PTPRG: variants seen among roughly 807,000 people sequenced by gnomAD.
The protein encoded by PTPRG is receptor-type tyrosine-protein phosphatase gamma.
In PTPRG, 102 loss-of-function variants were observed where a neutral mutation model predicts 165.3. The observed-to-expected ratio is 0.62, with a 90% CI of 0.53 to 0.73. The LOEUF (loss-of-function observed/expected upper bound fraction) is 0.73. Ranked by LOEUF, PTPRG falls within the 30% of genes least tolerant of loss-of-function variation. The pLI, the probability that PTPRG is intolerant of heterozygous loss-of-function variation, is 0.00. For missense variants in PTPRG, 1,866 were observed against 1,861.4 expected (o/e 1.00, Z -0.05); for synonymous variants, 675 against 669.5 (o/e 1.01, Z -0.13).
chr3:61,918,395 G>A (rs1289310493), intron 2 of PTPRG, among the ~76,000 whole-genome samples: 1 of 152,098 alleles, frequency 6.6e-6, no homozygotes, highest in East Asian at 1.9e-4. Flanking sequence ...CAGAGTATAT[G>A]TACATAAGGT....
rs957514900 is a variant in PTPRG at position 62,252,758 on chromosome 3, G to A, written c.2468-2366G>A. Among the ~76,000 whole-genome samples, 6 of 152,168 alleles carry A rather than the reference G, an allele frequency of 3.9e-5. No individual in the cohort carries two copies. The highest frequency in any genetic ancestry group is 1.4e-4 in the African/African-American group (6 of 41,436). ...TATATTCATCTCAGTATAAAGAAAAGAGATTTATGACTCCTCAGCTATTTA... is the reference window on the plus strand; with the variant it reads ...TATATTCATCTCAGTATAAAGAAAAAAGATTTATGACTCCTCAGCTATTTA... On this transcript the variant is annotated intron_variant, in intron 15 of 29. Transcript: ENST00000474889. The surrounding 1 kb of genome is among the most constrained non-coding windows in gnomAD (Gnocchi z 4.6).
intron 1 of PTPRG, among the ~76,000 whole-genome samples, chr3:61,633,147 A>G (rs1701815125): frequency 6.6e-6 from 1 of 152,086 alleles, no homozygotes; most frequent in South Asian, 2.1e-4. Flanking sequence ...TCTCTGTTTT[A>G]TGTTTGTTAT....
intron 1 of PTPRG, among the ~76,000 whole-genome samples, chr3:61,671,341 C>G (rs183819810): frequency 1.3e-5 from 2 of 151,764 alleles, no homozygotes; most frequent in East Asian, 3.9e-4. Flanking sequence ...GGTGATGACT[C>G]GTAAGGAGCA....
intron 6 of PTPRG, among the ~76,000 whole-genome samples, chr3:62,141,451 T>C (rs1703923138): frequency 6.6e-6 from 1 of 151,824 alleles, no homozygotes; most frequent in Non-Finnish European, 1.5e-5. Flanking sequence ...TAAACAAAAT[T>C]AGCCTGGCAT....
chr3:61,747,184 A>G (rs2033242004), intron 1 of PTPRG, among the ~76,000 whole-genome samples: 1 of 152,198 alleles, frequency 6.6e-6, no homozygotes, highest in South Asian at 2.1e-4. Flanking sequence ...TCTGCTCACC[A>G]TAACTTGCGT....
At chr3:61,888,668 A>C (rs143942660) in intron 2 of PTPRG, among the ~76,000 whole-genome samples, 10 of 152,346 alleles carry the variant, frequency 6.6e-5, no homozygotes, top group African/African-American at 2.4e-4. Context: ...AAGTATAGTT[A>C]TCTGAATTGA....
intron 13 of PTPRG, among the ~76,000 whole-genome samples, chr3:62,225,640 G>A (rs919394521): frequency 6.6e-6 from 1 of 150,548 alleles, no homozygotes; most frequent in Non-Finnish European, 1.5e-5. Flanking sequence ...ATATCTAAAG[G>A]TTCTTAAGCA....
intron 5 of PTPRG, among the ~76,000 whole-genome samples, chr3:62,117,430 A>G (rs976423163): frequency 1.3e-5 from 2 of 152,178 alleles, no homozygotes; most frequent in African/African-American, 4.8e-5. Context: ...TTACATTTGC[A>G]GGGATACCAA....
Position 61,713,669 on chromosome 3 carries a change from C to T in PTPRG, c.86-35209C>T, listed in dbSNP as rs13433858. Reference sequence around the variant, plus strand: ...TTCTAAAGGTAATGCTTGTTAAATACAGTCCCAGATTTTACGTGCTGGCCG... The same window carrying T: ...TTCTAAAGGTAATGCTTGTTAAATATAGTCCCAGATTTTACGTGCTGGCCG... On this transcript the variant is annotated intron_variant, in intron 1 of 29. Coordinates refer to ENST00000474889, the MANE Select transcript of PTPRG (RefSeq NM_002841.4). 2.9e-3 allele frequency among the ~76,000 whole-genome samples: 439 copies of T among 152,204 alleles called. 3 individuals are homozygous for T. Among genetic ancestry groups the T allele is most frequent in the African/African-American group, 0.01 (427 of 41,536 alleles).
chr3:62,097,830 C>T (rs1183362641), intron 5 of PTPRG, among the ~76,000 whole-genome samples: 3 of 152,094 alleles, frequency 2.0e-5, no homozygotes, highest in East Asian at 1.9e-4. Context: ...AACATTATCT[C>T]GTGAAGCACT....
intron 1 of PTPRG, among the ~76,000 whole-genome samples, chr3:61,568,752 A>G (rs1699987000): frequency 2.0e-5 from 3 of 152,152 alleles, no homozygotes; most frequent in Admixed American, 6.5e-5. Flanking sequence ...TTCTAAAAAT[A>G]CAAAAATTAG....
chr3:62,128,643 C>T (rs971691442), intron 5 of PTPRG, among the ~76,000 whole-genome samples: 4 of 150,490 alleles, frequency 2.7e-5, no homozygotes, highest in African/African-American at 9.8e-5. Context: ...GACTGTATCC[C>T]CATTTCACAG....
intron 12 of PTPRG, among the ~76,000 whole-genome samples, chr3:62,208,853 CAT>C: frequency 6.6e-6 from 1 of 152,244 alleles, no homozygotes. Flanking sequence ...AGGCCAGCTG[CAT>C]ATGTCACTGA....
At chr3:61,839,849 A>T (rs1575709544) in intron 2 of PTPRG, among the ~76,000 whole-genome samples, 1 of 152,020 alleles carries the variant, frequency 6.6e-6, no homozygotes, top group East Asian at 1.9e-4. Flanking sequence ...CGTTGCCTAC[A>T]CAGCATTTTT....
chr3:61,925,672 G>A (rs2039189962), intron 2 of PTPRG, among the ~76,000 whole-genome samples: 1 of 152,092 alleles, frequency 6.6e-6, no homozygotes, highest in Non-Finnish European at 1.5e-5. Context: ...GAACCTGGGA[G>A]GCGGAGGTTG....
rs145136197 is a variant in PTPRG, at chr3:61,795,639, C to CAA, written c.190+46684_190+46685dup. On this transcript the variant is annotated intron_variant, in intron 2 of 29. Transcript: ENST00000474889. The stretch of plus-strand genomic sequence containing the variant: ...TGGGTGACAGAGCAAGACTCCGTCT[C>CAA]AAAAAAAAAAAAAAAAAAAAAAAAA... Among the ~76,000 whole-genome samples the CAA allele has an allele frequency of 9.1e-4, 54 of 59,458 alleles. 1 individual carries two copies. Among genetic ancestry groups the CAA allele is most frequent in the African/African-American group, 2.2e-3 (33 of 14,846 alleles). The allele number at this position is 59,458 out of a possible 152,430, so 39.0% of individuals were successfully genotyped here.
intron 8 of PTPRG, among the ~76,000 whole-genome samples, chr3:62,187,848 G>C (rs553875577): frequency 1.3e-5 from 2 of 152,252 alleles, no homozygotes; most frequent in African/African-American, 2.4e-5. Flanking sequence ...TCCTCCTCTC[G>C]TGTAATCAGG....
intron 2 of PTPRG, among the ~76,000 whole-genome samples, chr3:61,776,387 A>G (rs1311111072): frequency 1.3e-5 from 2 of 152,148 alleles, no homozygotes; most frequent in Non-Finnish European, 2.9e-5. Flanking sequence ...TATCGCATAG[A>G]TTAAAATCAA....
intron 2 of PTPRG, among the ~76,000 whole-genome samples, chr3:61,901,194 G>A (rs1420556909): frequency 6.6e-6 from 1 of 152,104 alleles, no homozygotes; most frequent in African/African-American, 2.4e-5. Context: ...ATGTTTTGTT[G>A]GGTTTTCTCT....
Sources: gnomAD v4.1 joint callset for allele counts (sites outside exome capture counted in the v4.1 genomes callset) on GRCh38, gnomAD v4.1.1 for gene constraint, Gnocchi (gnomAD v3.1) non-coding constraint, MANE v1.5 for transcripts, NCBI Gene and HGNC (gene_info 2026-07-23, HGNC 2026-07-21) for gene names.